Variants in GAS7 observed in about 807,000 individuals in gnomAD.
GAS7 encodes growth arrest-specific protein 7.
A neutral mutation model predicts 71.1 loss-of-function variants in GAS7; 28 were observed. That is an observed-to-expected ratio of 0.39 (90% CI 0.29 to 0.54). The LOEUF is 0.54. Ranked by LOEUF, GAS7 falls within the 20% of genes least tolerant of loss-of-function variation. The probability of loss-of-function intolerance (pLI) is 0.62; values close to 1 mark genes in which losing one functional copy is unlikely to be tolerated. For missense variants in GAS7, 436 were observed against 627.8 expected, an observed-to-expected ratio of 0.69 and a Z score of 3.27; for synonymous variants, 258 against 245.8, an observed-to-expected ratio of 1.05 and a Z score of -0.46.
At chr17:9,957,210 G>A (rs2069278171) in intron 5 of GAS7, among the ~76,000 whole-genome samples, 1 of 152,250 alleles carries the variant, frequency 6.6e-6, no homozygotes. Flanking sequence ...TGGCCCCAGA[G>A]AAAACAACTG....
At chr17:10,053,227 CAAGGGGAA>C (rs1567570598) in intron 1 of GAS7, among the ~76,000 whole-genome samples, 1 of 152,182 alleles carries the variant, frequency 6.6e-6, no homozygotes, top group East Asian at 1.9e-4. Flanking sequence ...TAAAATGGAC[CAAGGGGAA>C]AAGATCAACA....
chr17:10,045,735 C>T (rs753393481), intron 1 of GAS7, among the ~76,000 whole-genome samples: 21 of 152,128 alleles, frequency 1.4e-4, no homozygotes, highest in Admixed American at 2.0e-4. Flanking sequence ...ATATCAGAAA[C>T]GGCACCCAGT....
At chr17:10,132,774 C>T (rs1050605499) in intron 1 of GAS7, among the ~76,000 whole-genome samples, 4 of 150,580 alleles carry the variant, frequency 2.7e-5, no homozygotes, top group African/African-American at 9.8e-5. Context: ...AAAAAAAAAT[C>T]ATTTTTAAAG....
chr17:9,969,747 G>A lies in GAS7; in HGVS notation c.401C>T (p.Ala134Val). 1.9e-6 allele frequency: 3 copies of A among 1,609,494 alleles called. No homozygotes were observed. The highest frequency in any genetic ancestry group is 1.3e-5 in the African/African-American group (1 of 74,974). The change falls in exon 4 of 14, where the codon GCA (alanine) becomes GTA (valine). Residue 134 changes from alanine (A) to valine (V), a missense_variant. Coordinates refer to ENST00000432992, the MANE Select transcript of GAS7 (RefSeq NM_201433.2). This position sits in a 1 kb window ranked among gnomAD's most constrained non-coding sequence, Gnocchi z 5.5. ...TGGAGGGTGCGCTGGGGTCCCTGAT[G>A]CGTGGTATCCATTCACTGCAGGGAC... The part of the protein sequence containing the change: ...SLPPTVNGYH[A>V]SGTPAHPPET...
chr17:10,071,374 G>A (rs764940513), intron 1 of GAS7, among the ~76,000 whole-genome samples: 1 of 152,158 alleles, frequency 6.6e-6, no homozygotes, highest in Non-Finnish European at 1.5e-5. Context: ...TCCCAGAGCT[G>A]GCTGTAGGAC....
At chr17:10,102,902 A>G (rs1254114693) in intron 1 of GAS7, among the ~76,000 whole-genome samples, 3 of 152,180 alleles carry the variant, frequency 2.0e-5, no homozygotes, top group Non-Finnish European at 4.4e-5. Context: ...TAGGCGAGTA[A>G]TTAGGCATAT....
Position 9,920,484 on chromosome 17 carries a change from C to T in GAS7, c.1139-779G>A, listed in dbSNP as rs913048814. Among the ~76,000 whole-genome samples, 6 of 152,334 alleles carry T rather than the reference C, an allele frequency of 3.9e-5. 1 individual carries two copies. The Middle Eastern group carries it at 0.01, about 259-fold the overall frequency. On this transcript the variant is annotated intron_variant, in intron 11 of 13. Transcript: ENST00000432992. ...TTGTAATTAGAAAGAAAACACACTG[C>T]GAAGTAATTGCAAACATTACTAAGC...
At chr17:10,037,750 C>A (rs1458653569) in intron 1 of GAS7, among the ~76,000 whole-genome samples, 1 of 151,650 alleles carries the variant, frequency 6.6e-6, no homozygotes, top group Non-Finnish European at 1.5e-5. Context: ...GGGGGTGGGG[C>A]ATCCATGTAA....
intron 1 of GAS7, among the ~76,000 whole-genome samples, chr17:10,192,274 T>C (rs1284782761): frequency 6.6e-6 from 1 of 152,204 alleles, no homozygotes; most frequent in Non-Finnish European, 1.5e-5. Context: ...TAATTTTGCA[T>C]TTAAGTACAG....
chr17:9,930,133 C>T (rs368392867), intron 9 of GAS7, among the ~76,000 whole-genome samples: 9 of 152,190 alleles, frequency 5.9e-5, no homozygotes, highest in African/African-American at 2.2e-4. Flanking sequence ...ACAGACCAGA[C>T]TTGAACAGAA....
chr17:10,196,121 G>A (rs1406148437), intron 1 of GAS7, among the ~76,000 whole-genome samples: 1 of 152,172 alleles, frequency 6.6e-6, no homozygotes, highest in African/African-American at 2.4e-5. Flanking sequence ...CTCAGGGGCT[G>A]CGCATGCCCC....
rs74451083 is a variant in GAS7 at position 9,998,880 on chromosome 17, T to C, written c.305-16996A>G. On this transcript the variant is annotated intron_variant, in intron 2 of 13. Transcript: ENST00000432992. ...TAGTATGAGCGGGTTTCTAGTCCTA[T>C]AACAAGACACTCCCTGCCCAAGGAC... Among the ~76,000 whole-genome samples, 493 of 152,286 alleles carry C rather than the reference T, an allele frequency of 3.2e-3. 3 individuals carry two copies. Among genetic ancestry groups the C allele is most frequent in the African/African-American group, 0.011 (472 of 41,562 alleles).
intron 1 of GAS7, 79 bp downstream of exon 1, chr17:10,198,129 C>T: frequency 7.1e-7 from 1 of 1,402,992 alleles, no homozygotes; most frequent in East Asian, 2.4e-5. Flanking sequence ...GCTGCGGCAT[C>T]CCCGGAACGG....
intron 1 of GAS7, among the ~76,000 whole-genome samples, chr17:10,087,090 T>C (rs1021100207): frequency 1.3e-5 from 2 of 152,186 alleles, no homozygotes; most frequent in South Asian, 2.1e-4. Flanking sequence ...ACTTAATTCC[T>C]TGGAAGGTGG....
Position 9,943,239 on chromosome 17 carries a change from A to G in GAS7, c.616-3T>C. ...CCTTGGGGGTCCTTCTTATCAGCCT[A>G]CAAAGGAAGCAGAAGCACAAGAGTT... On this transcript the variant is annotated splice_polypyrimidine_tract_variant and splice_region_variant and intron_variant, in intron 6 of 13. Transcript: ENST00000432992. The G allele has an allele frequency of 1.9e-6, 3 of 1,552,094 alleles. No homozygotes were observed. Among genetic ancestry groups the G allele is most frequent in the Non-Finnish European group, 2.7e-6 (3 of 1,123,194 alleles).
At chr17:10,005,144 CGCATGCATGCATGTGTGTGCGCACGCAT>C (rs1230422165) in intron 2 of GAS7, among the ~76,000 whole-genome samples, 1 of 38,204 alleles carries the variant, frequency 2.6e-5, no homozygotes, top group Non-Finnish European at 6.3e-5. Flanking sequence ...TGTGCGCGCA[CGCATGCATGCATGTGTGTGCGCACGCAT>C]GCATGTATGT....
intron 8 of GAS7, 24 bp from the exon 9 acceptor site, chr17:9,934,268 T>G (rs766333092): frequency 7.2e-6 from 11 of 1,535,374 alleles, no homozygotes; most frequent in Non-Finnish European, 9.9e-6. Flanking sequence ...ACCATGAGAC[T>G]CAGGTCACAA....
intron 1 of GAS7, among the ~76,000 whole-genome samples, chr17:10,053,842 G>A (rs532619517): frequency 6.4e-4 from 97 of 152,202 alleles, no homozygotes; most frequent in Non-Finnish European, 9.6e-4. Context: ...ACAATAAGAG[G>A]TGCTGGCGTC....
chr17:10,072,213 T>A (rs1239455996), intron 1 of GAS7, among the ~76,000 whole-genome samples: 1 of 152,110 alleles, frequency 6.6e-6, no homozygotes, highest in East Asian at 1.9e-4. Context: ...GAAGCACCTC[T>A]ACCTGCCTCA....
Sources: gnomAD v4.1 joint callset for allele counts (sites outside exome capture counted in the v4.1 genomes callset) on GRCh38, gnomAD v4.1.1 for gene constraint, Gnocchi (gnomAD v3.1) non-coding constraint, MANE v1.5 for transcripts, NCBI Gene and HGNC (gene_info 2026-07-23, HGNC 2026-07-21) for gene names.